COL27A1: variants seen among roughly 807,000 people sequenced by gnomAD.
COL27A1 encodes the protein collagen type XXVII alpha 1 chain.
In COL27A1, 106 loss-of-function variants were observed where a neutral mutation model predicts 251.3. The ratio of observed to expected loss-of-function variants is 0.42; its 90% CI spans 0.36 to 0.50. COL27A1 has a LOEUF of 0.50. Among genes scored for constraint, COL27A1 ranks in the 20% least tolerant of loss-of-function variants. COL27A1 has a pLI of 0.00. For missense variants in COL27A1, 2,325 were observed against 2,522.8 expected, an observed-to-expected ratio of 0.92 and a Z score of 1.68; for synonymous variants, 1,000 against 986.3, an observed-to-expected ratio of 1.01 and a Z score of -0.26.
At chr9:114,234,175 C>T (rs1832176908) in intron 16 of COL27A1, among the ~76,000 whole-genome samples, 1 of 146,858 alleles carries the variant, frequency 6.8e-6, no homozygotes, top group Non-Finnish European at 1.5e-5. Context: ...TCTATTTTCA[C>T]TCCTTTTTTT....
chr9:114,289,151 T>TCCCC, intron 44 of COL27A1, 91 bp from the exon 45 acceptor site: 5 of 346,914 alleles, frequency 1.4e-5, no homozygotes, highest in South Asian at 8.0e-5. Flanking sequence ...CCCAAACCCC[T>TCCCC]CCCCACCCCT....
At chr9:114,300,581 C>G in intron 50 of COL27A1, 44 bp from the exon 51 acceptor site, 3 of 1,494,660 alleles carry the variant, frequency 2.0e-6, no homozygotes, top group Non-Finnish European at 2.7e-6. Flanking sequence ...GCCCTTTACC[C>G]AGTGGCTGCC....
intron 57 of COL27A1, among the ~76,000 whole-genome samples, chr9:114,306,045 C>T (rs1193900663): frequency 6.6e-6 from 1 of 151,822 alleles, no homozygotes; most frequent in Non-Finnish European, 1.5e-5. Flanking sequence ...GAGCTGAAGT[C>T]CTCCTCCCAG....
chr9:114,288,747 G>T lies in COL27A1; in HGVS notation c.4090G>T (p.Gly1364Trp). Residue 1364 changes from glycine (G) to tryptophan (W), a missense_variant, in exon 43 of 61, where the codon GGG becomes TGG. Coordinates refer to ENST00000356083, the MANE Select transcript of COL27A1 (RefSeq NM_032888.4). ...RGDRGEPGDP[G>W]YPGQEGVQGL... ...AGACCGCGGGGAACCGGGAGACCCTGGGTACCCTGTAAGTATCAGAGCTCC... is the reference window on the plus strand; with the variant it reads ...AGACCGCGGGGAACCGGGAGACCCTTGGTACCCTGTAAGTATCAGAGCTCC... 1 of 1,610,590 alleles carries T rather than the reference G, an allele frequency of 6.2e-7. No homozygotes were observed. Among genetic ancestry groups the T allele is most frequent in the Non-Finnish European group, 8.5e-7 (1 of 1,177,248 alleles).
chr9:114,270,508 CT>C (rs1452718866), intron 35 of COL27A1, among the ~76,000 whole-genome samples: 7 of 152,348 alleles, frequency 4.6e-5, no homozygotes, highest in African/African-American at 1.7e-4. Context: ...GTCTGCTCCC[CT>C]TTTCTGGAGA....
intron 5 of COL27A1, among the ~76,000 whole-genome samples, chr9:114,183,546 G>A (rs1828103556): frequency 6.6e-6 from 1 of 152,118 alleles, no homozygotes; most frequent in African/African-American, 2.4e-5. Flanking sequence ...GCTAGTCCGG[G>A]CCAACTTAGG....
chr9:114,205,364 G>A (rs978167721), intron 8 of COL27A1, among the ~76,000 whole-genome samples: 2 of 152,232 alleles, frequency 1.3e-5, no homozygotes, highest in African/African-American at 4.8e-5. Context: ...CCAGCCTGAT[G>A]TTGGCATGAG....
At chr9:114,304,697 G>A in intron 57 of COL27A1, 24 bp downstream of exon 57, 1 of 1,608,130 alleles carries the variant, frequency 6.2e-7, no homozygotes, top group Non-Finnish European at 8.5e-7. Flanking sequence ...CTCTCCCCAT[G>A]TGGGATCCCT....
chr9:114,195,690 G>A (rs765306496), intron 6 of COL27A1, among the ~76,000 whole-genome samples: 3 of 152,174 alleles, frequency 2.0e-5, no homozygotes, highest in East Asian at 1.9e-4. Context: ...TTTTAGTATC[G>A]GAACCCATTC....
intron 57 of COL27A1, among the ~76,000 whole-genome samples, chr9:114,305,801 C>A (rs1218655082): frequency 1.3e-5 from 2 of 152,186 alleles, no homozygotes; most frequent in East Asian, 1.9e-4. Context: ...TCTGTCCAGG[C>A]AGAAGAAATG....
At chr9:114,298,246 CTT>C (rs1183029839) in intron 49 of COL27A1, among the ~76,000 whole-genome samples, 11 of 152,144 alleles carry the variant, frequency 7.2e-5, no homozygotes, top group African/African-American at 2.4e-4. Context: ...GGTCAGAAGA[CTT>C]TGTGTGGTTA....
At chr9:114,267,294 T>C (rs760657955) in intron 33 of COL27A1, among the ~76,000 whole-genome samples, 15 of 152,084 alleles carry the variant, frequency 9.9e-5, no homozygotes, top group Non-Finnish European at 1.8e-4. Flanking sequence ...AGCCTCTGGG[T>C]AGTCCCAAAG....
At chr9:114,164,217 A>T (rs1010717806) in intron 2 of COL27A1, among the ~76,000 whole-genome samples, 12 of 152,184 alleles carry the variant, frequency 7.9e-5, no homozygotes, top group African/African-American at 2.9e-4. Context: ...TTGCTGAGAG[A>T]ATCAAGTGAG....
chr9:114,253,295 A>AAAAG (rs144800654), intron 27 of COL27A1, among the ~76,000 whole-genome samples: 21,931 of 140,130 alleles, frequency 0.16, 2,280 homozygotes, highest in Non-Finnish European at 0.21. Context: ...GAGACAGAGA[A>AAAAG]AAAGAAAGAA....
At chr9:114,187,869 G>A (rs1864718) in intron 5 of COL27A1, among the ~76,000 whole-genome samples, 123,263 of 152,268 alleles carry the variant, frequency 0.81, 50,241 homozygotes, top group Admixed American at 0.84. Flanking sequence ...ATTACTGTAT[G>A]TAAATGTTAG....
chr9:114,293,517 G>A (rs1477809298), intron 49 of COL27A1, among the ~76,000 whole-genome samples: 1 of 148,018 alleles, frequency 6.8e-6, no homozygotes. Context: ...AAAGTGAGCA[G>A]AGGGAAGGAA....
chr9:114,285,035 C>T (rs1048885462), intron 41 of COL27A1, among the ~76,000 whole-genome samples: 4 of 152,212 alleles, frequency 2.6e-5, no homozygotes, highest in African/African-American at 4.8e-5. Flanking sequence ...CCTGCCCTCA[C>T]GGGGCTTATA....
intron 3 of COL27A1, among the ~76,000 whole-genome samples, chr9:114,172,650 C>T (rs902974991): frequency 3.3e-5 from 5 of 151,984 alleles, no homozygotes; most frequent in Non-Finnish European, 7.4e-5. Context: ...AAGAATTAGC[C>T]AGGCATGGTG....
intron 28 of COL27A1, among the ~76,000 whole-genome samples, chr9:114,262,886 G>A (rs1418165881): frequency 6.6e-6 from 1 of 151,740 alleles, no homozygotes; most frequent in African/African-American, 2.4e-5. Flanking sequence ...CAGCTGAGAA[G>A]TGGAATTTTC....
Sources: allele counts gnomAD v4.1 joint callset (sites outside exome capture counted in the v4.1 genomes callset), GRCh38; gene constraint gnomAD v4.1.1; transcripts MANE v1.5; gene names NCBI Gene and HGNC (gene_info 2026-07-23, HGNC 2026-07-21).